KLF12: variants seen among roughly 807,000 people sequenced by gnomAD.
KLF12 encodes KLF transcription factor 12.
A neutral mutation model predicts 37.8 loss-of-function variants in KLF12; 9 were observed. That is an observed-to-expected ratio of 0.24 (90% CI 0.14 to 0.42). The LOEUF is 0.42. Among genes scored for constraint, KLF12 ranks in the 10% least tolerant of loss-of-function variants. The probability of loss-of-function intolerance (pLI) is 1.00; values close to 1 mark genes in which losing one functional copy is unlikely to be tolerated. For synonymous variants in KLF12, 208 were observed against 202.1 expected (o/e 1.03, Z -0.25); for missense variants, 411 against 516.0 (o/e 0.80, Z 1.97).
At chr13:73,989,161 G>A (rs1262420769) in intron 2 of KLF12, among the ~76,000 whole-genome samples, 1 of 152,054 alleles carries the variant, frequency 6.6e-6, no homozygotes, top group Admixed American at 6.6e-5. Flanking sequence ...CACTGAAAAA[G>A]GGCAAAGCAA....
chr13:73,796,533 G>GTGTGTT (rs1047012330), intron 5 of KLF12, among the ~76,000 whole-genome samples: 2 of 150,062 alleles, frequency 1.3e-5, no homozygotes, highest in African/African-American at 5.0e-5. Context: ...GTGTGTGTGT[G>GTGTGTT]TGTGTGTGTG....
chr13:74,202,555 C>T, the KLF12 span, among the ~76,000 whole-genome samples: 3 of 152,208 alleles, frequency 2.0e-5, no homozygotes, highest in Non-Finnish European at 4.4e-5. Context: ...TACTTGTGTG[C>T]CAGATTAACA....
chr13:73,847,331 T>C (rs757407811), intron 3 of KLF12, among the ~76,000 whole-genome samples: 1 of 152,134 alleles, frequency 6.6e-6, no homozygotes, highest in Non-Finnish European at 1.5e-5. Context: ...TTCCCATTTA[T>C]GAGGAACAAA....
chr13:74,235,165 G>A, the KLF12 span, among the ~76,000 whole-genome samples: 1 of 152,152 alleles, frequency 6.6e-6, no homozygotes, highest in African/African-American at 2.4e-5. Context: ...TTGTAACCTC[G>A]TTGATGTAAG....
At chr13:73,731,547 A>AAAAG in intron 6 of KLF12, among the ~76,000 whole-genome samples, 1 of 151,650 alleles carries the variant, frequency 6.6e-6, no homozygotes, top group Non-Finnish European at 1.5e-5. Flanking sequence ...AAAAAAAAAA[A>AAAAG]AAAAAAGCAT....
intron 2 of KLF12, among the ~76,000 whole-genome samples, chr13:73,982,770 A>C (rs774595252): frequency 6.6e-6 from 1 of 152,056 alleles, no homozygotes; most frequent in African/African-American, 2.4e-5. Context: ...CTCTCTTGCC[A>C]TTTTTCTCAT....
the KLF12 span, among the ~76,000 whole-genome samples, chr13:74,274,205 A>T: frequency 3.9e-5 from 6 of 152,156 alleles, no homozygotes; most frequent in African/African-American, 1.4e-4. Flanking sequence ...TTGAAGCTTA[A>T]GCCCACTACT....
intron 1 of KLF12, among the ~76,000 whole-genome samples, chr13:74,126,561 T>A (rs879817290): frequency 6.6e-6 from 1 of 152,200 alleles, no homozygotes; most frequent in Non-Finnish European, 1.5e-5. Context: ...CAATTTTATA[T>A]CAAGATAATA....
At chr13:73,756,022 G>T (rs1450228167) in intron 6 of KLF12, among the ~76,000 whole-genome samples, 1 of 152,160 alleles carries the variant, frequency 6.6e-6, no homozygotes, top group East Asian at 1.9e-4. Context: ...ATTTGGGCTG[G>T]TTGCATATTT....
chr13:73,966,959 A>G (rs1891185933), intron 2 of KLF12, among the ~76,000 whole-genome samples: 1 of 152,220 alleles, frequency 6.6e-6, no homozygotes, highest in African/African-American at 2.4e-5. Context: ...TTGACCTGTA[A>G]GTTTTATAAC....
At chr13:74,060,504 G>GTGTGTCTGTGTGTGTC (rs1555336680) in intron 1 of KLF12, among the ~76,000 whole-genome samples, 1 of 150,570 alleles carries the variant, frequency 6.6e-6, no homozygotes. Context: ...GTGTGTGTGT[G>GTGTGTCTGTGTGTGTC]TGTGTGTGTG....
At chr13:73,787,235 T>C (rs1304839878) in intron 5 of KLF12, among the ~76,000 whole-genome samples, 1 of 152,230 alleles carries the variant, frequency 6.6e-6, no homozygotes, top group Non-Finnish European at 1.5e-5. Context: ...CTGTTCCAGA[T>C]ACTCTGCAAG....
chr13:74,232,605 G>T, the KLF12 span, among the ~76,000 whole-genome samples: 2 of 151,960 alleles, frequency 1.3e-5, no homozygotes, highest in Admixed American at 6.5e-5. Flanking sequence ...TCTTATCTAG[G>T]TTTGACAGTT....
the KLF12 span, among the ~76,000 whole-genome samples, chr13:74,279,263 T>G: frequency 1.4e-3 from 211 of 152,266 alleles, no homozygotes; most frequent in African/African-American, 4.5e-3. Flanking sequence ...GCTAGACAGC[T>G]CTTTCTAAAA....
intron 5 of KLF12, among the ~76,000 whole-genome samples, chr13:73,788,638 TA>T (rs949388764): frequency 2.8e-5 from 4 of 142,244 alleles, no homozygotes; most frequent in African/African-American, 1.2e-4. Context: ...AAATGCCTGC[TA>T]ATTTTTTTTT....
chr13:74,210,752 C>A, the KLF12 span, among the ~76,000 whole-genome samples: 13 of 152,228 alleles, frequency 8.5e-5, no homozygotes, highest in Middle Eastern at 3.4e-3. Context: ...ACCTGGTGAG[C>A]CAGCTGGTTT....
intron 6 of KLF12, among the ~76,000 whole-genome samples, chr13:73,728,574 C>T (rs930814480): frequency 1.7e-4 from 26 of 152,302 alleles, no homozygotes; most frequent in African/African-American, 6.3e-4. Flanking sequence ...TTCATAGATG[C>T]ATTTTATCTG....
intron 5 of KLF12, among the ~76,000 whole-genome samples, chr13:73,797,950 A>ACCAAT (rs1410979413): frequency 6.6e-6 from 1 of 152,130 alleles, no homozygotes; most frequent in African/African-American, 2.4e-5. Flanking sequence ...TTGGCGTTTA[A>ACCAAT]CCAATTTATT....
intron 7 of KLF12, among the ~76,000 whole-genome samples, chr13:73,703,329 A>T (rs1328915621): frequency 1.3e-5 from 2 of 151,486 alleles, no homozygotes; most frequent in African/African-American, 4.9e-5. Context: ...TTCAGCAATT[A>T]ATTATAGTTT....
Sources: gnomAD v4.1 joint callset for allele counts (sites outside exome capture counted in the v4.1 genomes callset) on GRCh38, gnomAD v4.1.1 for gene constraint, MANE v1.5 for transcripts, NCBI Gene and HGNC (gene_info 2026-07-23, HGNC 2026-07-21) for gene names.